Variants in TACR2 observed in about 807,000 individuals in gnomAD.
TACR2 encodes substance-K receptor.
A neutral mutation model predicts 28.9 loss-of-function variants in TACR2; 24 were observed. That is an observed-to-expected ratio of 0.83 (90% CI 0.60 to 1.17). The LOEUF is 1.17. TACR2 is among the 50% of genes most tolerant of loss of function. TACR2 has a pLI of 0.00. For missense variants in TACR2, 487 were observed against 524.4 expected, an observed-to-expected ratio of 0.93 and a Z score of 0.70; for synonymous variants, 222 against 212.6, an observed-to-expected ratio of 1.04 and a Z score of -0.38.
intron 2 of TACR2, 94 bp downstream of exon 2, chr10:69,414,851 G>A (rs1415842186): frequency 2.2e-6 from 3 of 1,373,982 alleles, no homozygotes; most frequent in Non-Finnish European, 3.0e-6. Flanking sequence ...CACCACACAT[G>A]CATGGACATG....
Position 69,404,807 on chromosome 10 carries a change from C to G in TACR2, c.*19G>C. 7.1e-7 allele frequency: 1 copy of G among 1,414,752 alleles called. No individual in the cohort carries two copies. The allele number at this position is 1,414,752 out of a possible 1,614,324, so 87.6% of individuals were successfully genotyped here. ...ACACCTCCCACTAACCCCTACCTCCCAACACTGCCACATTGGGATCAAATT... is the reference window on the plus strand; with the variant it reads ...ACACCTCCCACTAACCCCTACCTCCGAACACTGCCACATTGGGATCAAATT... On this transcript the variant is annotated 3_prime_UTR_variant, in exon 5 of 5. Coordinates refer to ENST00000373306, the MANE Select transcript of TACR2 (RefSeq NM_001057.3).
chr10:69,411,534 G>C (rs1044010824), intron 2 of TACR2, among the ~76,000 whole-genome samples: 4 of 152,126 alleles, frequency 2.6e-5, no homozygotes, highest in African/African-American at 9.7e-5. Flanking sequence ...GGCTCCAAGA[G>C]TTTGAACCTC....
At position 69,404,971 on chromosome 10, in the gene TACR2, C is replaced by T. The variant is rs771040979; in HGVS notation, c.1052G>A (p.Cys351Tyr). Reference protein sequence around the residue: ...TTSLSTRVNRCHTKETLFMAG... With the variant: ...TTSLSTRVNRYHTKETLFMAG... ...CATGAACAAAGTCTCCTTAGTGTGA[C>T]ACCTGTTGACTCTCGTGGAGAGGGA... The change falls in exon 5 of 5, where the codon TGT becomes TAT. Residue 351 changes from cysteine to tyrosine, a missense_variant. Cys to Tyr is a radical substitution (Grantham distance 194). Coordinates refer to ENST00000373306, the MANE Select transcript of TACR2 (RefSeq NM_001057.3). 3.8e-5 allele frequency: 61 copies of T among 1,614,130 alleles called. 1 individual carries two copies. In the South Asian group the frequency reaches 5.9e-4, roughly 16 times the overall value.
Position 69,409,511 on chromosome 10 carries a change from C to A in TACR2, c.588-436G>T, listed in dbSNP as rs369245561. Among the ~76,000 whole-genome samples the A allele has an allele frequency of 1.4e-4, 21 of 152,260 alleles. No individual in the cohort carries two copies. The East Asian group carries it at 3.1e-3, about 22-fold the overall frequency. ...GAATCATATGTATGAATAGTAGTCA[C>A]CCCTGATGGGAGTTTCACTTTCCCG... is the stretch of plus-strand genomic sequence containing the variant. On this transcript the variant is annotated intron_variant, in intron 2 of 4. Coordinates refer to ENST00000373306, the MANE Select transcript of TACR2 (RefSeq NM_001057.3).
At chr10:69,414,240 A>C (rs1205136442) in intron 2 of TACR2, among the ~76,000 whole-genome samples, 1 of 152,174 alleles carries the variant, frequency 6.6e-6, no homozygotes, top group Non-Finnish European at 1.5e-5. Context: ...CCACCTCAGC[A>C]GCCTGAAAAT....
intron 2 of TACR2, among the ~76,000 whole-genome samples, chr10:69,409,858 T>C (rs532668450): frequency 1.4e-3 from 129 of 90,144 alleles, no homozygotes; most frequent in African/African-American, 6.0e-3. Context: ...TATATGTATA[T>C]GTATATGTAT....
At chr10:69,411,452 A>T (rs1008210560) in intron 2 of TACR2, among the ~76,000 whole-genome samples, 1 of 152,140 alleles carries the variant, frequency 6.6e-6, no homozygotes, top group Admixed American at 6.5e-5. Context: ...CTTGCCTGGG[A>T]TCCAATCTGC....
rs1564579145 is a variant in TACR2 at position 69,404,424 on chromosome 10, C to T, written c.*402G>A. ...CAGCCAGGCACAAGGCTTCAGGGTTCAATAGGCACCTATCTCAGTCCATTT... is the reference window on the plus strand; with the variant it reads ...CAGCCAGGCACAAGGCTTCAGGGTTTAATAGGCACCTATCTCAGTCCATTT... On this transcript the variant is annotated 3_prime_UTR_variant, in exon 5 of 5. Coordinates refer to ENST00000373306, the MANE Select transcript of TACR2 (RefSeq NM_001057.3). The T allele has an allele frequency of 6.5e-6, 1 of 154,718 alleles. No individual in the cohort carries two copies. The highest frequency in any genetic ancestry group is 1.4e-5 in the Non-Finnish European group (1 of 69,878). 9.6% of individuals were successfully genotyped at this position (154,718 alleles called of 1,614,324 possible).
chr10:69,411,998 A>C lies in TACR2; in HGVS notation c.588-2923T>G, dbSNP rs557786220. ...AGGTGCCTGCCACCACGCCCTACTA[A>C]TTTTTGTATTTTTAGTAGAGACAGG... is the stretch of plus-strand genomic sequence containing the variant. On this transcript the variant is annotated intron_variant, in intron 2 of 4. Coordinates refer to ENST00000373306, the MANE Select transcript of TACR2 (RefSeq NM_001057.3). 5.9e-5 allele frequency among the ~76,000 whole-genome samples: 9 copies of C among 152,008 alleles called. 1 individual carries two copies. The East Asian group carries it at 1.6e-3, about 26-fold the overall frequency.
chr10:69,408,914 G>A lies in TACR2; in HGVS notation c.741+8C>T, dbSNP rs186418484. ...CCGCCCCCTCCAGGCCCCCGCCCCCGCGCCCACCTTCTTCATGGCCTGCAG... is the reference window on the plus strand; with the variant it reads ...CCGCCCCCTCCAGGCCCCCGCCCCCACGCCCACCTTCTTCATGGCCTGCAG... On this transcript the variant is annotated splice_region_variant and intron_variant, in intron 3 of 4. Transcript: ENST00000373306. 9,949 of 1,222,052 alleles carry A rather than the reference G, an allele frequency of 8.1e-3. 318 individuals carry two copies. Among genetic ancestry groups the A allele is most frequent in the African/African-American group, 0.074 (4,316 of 58,228 alleles). 75.7% of individuals were successfully genotyped at this position (1,222,052 alleles called of 1,614,324 possible).
At chr10:69,414,086 A>C (rs1395674695) in intron 2 of TACR2, among the ~76,000 whole-genome samples, 1 of 152,200 alleles carries the variant, frequency 6.6e-6, no homozygotes, top group Non-Finnish European at 1.5e-5. Flanking sequence ...GCAATGGCTC[A>C]GTGCCTGGGG....
chr10:69,414,782 A>T (rs1840597424), intron 2 of TACR2, among the ~76,000 whole-genome samples, 163 bp downstream of exon 2: 1 of 152,190 alleles, frequency 6.6e-6, no homozygotes, highest in African/African-American at 2.4e-5. Flanking sequence ...CTTACTAAGC[A>T]TATAGGTATA....
At position 69,416,020 on chromosome 10, in the gene TACR2, C is replaced by T. The variant is rs765581020; in HGVS notation, c.304G>A (p.Gly102Ser). 6.2e-7 allele frequency: 1 copy of T among 1,614,214 alleles called. No individual in the cohort carries two copies. Among genetic ancestry groups the T allele is most frequent in the Admixed American group, 1.7e-5 (1 of 60,024 alleles). Residue 102 changes from glycine (G) to serine (S), a missense_variant, in exon 1 of 5, where the codon GGC becomes AGC. Gly to Ser is a moderately conservative substitution (Grantham distance 56, BLOSUM62 0). Coordinates refer to ENST00000373306, the MANE Select transcript of TACR2 (RefSeq NM_001057.3). ...TTCTGGAAGTAGCAGAAGGCACGGC[C>T]AAAGTACCAGATGTTGTGGCTGGCA... Reference protein sequence around the residue: ...VYASHNIWYFGRAFCYFQNLF... With the variant: ...VYASHNIWYFSRAFCYFQNLF...
At chr10:69,407,835 T>C (rs1840517613) in intron 3 of TACR2, among the ~76,000 whole-genome samples, 1 of 152,182 alleles carries the variant, frequency 6.6e-6, no homozygotes, top group African/African-American at 2.4e-5. Context: ...CAGCCCAGCA[T>C]GCCAATTACA....
In TACR2 at chr10:69,415,028, G is replaced by C; in HGVS notation, c.504C>G (p.Phe168Leu). The change falls in exon 2 of 5, where the codon TTC (phenylalanine) becomes TTG (leucine). Residue 168 changes from phenylalanine (F) to leucine (L), a missense_variant. Coordinates refer to ENST00000373306, the MANE Select transcript of TACR2 (RefSeq NM_001057.3). The part of the protein sequence containing the change: ...VALALASPQC[F>L]YSTVTMDQGA... ...CCTGGTCCATGGTGACGGTGGAGTA[G>C]AAGCACTGAGGGGAGGCCAGGGCGA... 1.2e-6 allele frequency: 2 copies of C among 1,613,926 alleles called. No individual in the cohort carries two copies. The highest frequency in any genetic ancestry group is 3.3e-4 in the Middle Eastern group (2 of 6,040).
intron 2 of TACR2, among the ~76,000 whole-genome samples, chr10:69,412,055 C>T (rs1248533178): frequency 6.6e-6 from 1 of 152,212 alleles, no homozygotes; most frequent in African/African-American, 2.4e-5. Flanking sequence ...TAGTCTTGAA[C>T]TCCTGACCAC....
chr10:69,408,186 C>T (rs1442151845), intron 3 of TACR2, among the ~76,000 whole-genome samples: 1 of 152,098 alleles, frequency 6.6e-6, no homozygotes, highest in African/African-American at 2.4e-5. Flanking sequence ...GGGGACACTG[C>T]CACTTCCGGA....
intron 3 of TACR2, among the ~76,000 whole-genome samples, chr10:69,407,692 G>A (rs879846850): frequency 6.6e-6 from 1 of 152,110 alleles, no homozygotes. Flanking sequence ...TCTGGGATCC[G>A]TATCGGCACA....
rs751000733 is a variant in TACR2 at position 69,414,953 on chromosome 10, C to T, written c.579G>A (p.Thr193=). 75 of 1,609,306 alleles carry T rather than the reference C, an allele frequency of 4.7e-5. No individual in the cohort carries two copies. Among genetic ancestry groups the T allele is most frequent in the Admixed American group, 1.0e-4 (6 of 59,816 alleles). ...VAWPEDSGGK[T]LLLYHLVVIA... ...TCCCCCAGAGGCCTTACAGGAGGAG[C>T]GTCTTGCCCCCGCTGTCTTCGGGCC... The change falls in exon 2 of 5, where the codon ACG becomes ACA. Residue 193 remains threonine (T), a synonymous_variant. Transcript: ENST00000373306.
Sources: gnomAD v4.1 joint callset for allele counts (sites outside exome capture counted in the v4.1 genomes callset) on GRCh38, gnomAD v4.1.1 for gene constraint, MANE v1.5 for transcripts, NCBI Gene and HGNC (gene_info 2026-07-23, HGNC 2026-07-21) for gene names.